The following TENM2 variants were observed in gnomAD, a reference collection of about 807,000 sequenced individuals.
TENM2 encodes teneurin-2.
A neutral mutation model predicts 245.2 loss-of-function variants in TENM2; 52 were observed. That is an observed-to-expected ratio of 0.21 (90% confidence interval 0.17 to 0.27). The LOEUF is 0.27. TENM2 is among the 10% of genes least tolerant of loss of function. The pLI, the probability that TENM2 is intolerant of heterozygous loss-of-function variation, is 1.00. For synonymous variants in TENM2, 1,363 were observed against 1,438.9 expected (o/e 0.95, Z 1.19); for missense variants, 3,046 against 3,666.8 (o/e 0.83, Z 4.37).
chr5:167,591,424 C>T (rs1775868626), intron 2 of TENM2, among the ~76,000 whole-genome samples: 1 of 152,192 alleles, frequency 6.6e-6, no homozygotes, highest in Non-Finnish European at 1.5e-5. Context: ...AACCTAGGAA[C>T]TTACATTGAA....
chr5:167,009,015 T>A, the TENM2 span, among the ~76,000 whole-genome samples: 1 of 152,038 alleles, frequency 6.6e-6, no homozygotes, highest in Non-Finnish European at 1.5e-5. Flanking sequence ...TGTCCAAGTG[T>A]GTGGTTGTCA....
At chr5:167,014,365 G>A in the TENM2 span, among the ~76,000 whole-genome samples, 3 of 152,078 alleles carry the variant, frequency 2.0e-5, no homozygotes, top group African/African-American at 7.2e-5. Context: ...ACAAAAGCAA[G>A]TACACGTTAA....
At chr5:167,839,033 A>C (rs1183967577) in intron 2 of TENM2, among the ~76,000 whole-genome samples, 1 of 152,226 alleles carries the variant, frequency 6.6e-6, no homozygotes, top group Admixed American at 6.5e-5. Context: ...TGAGAATCAA[A>C]TGAAATGACA....
chr5:167,204,606 C>A, the TENM2 span, among the ~76,000 whole-genome samples: 1 of 152,198 alleles, frequency 6.6e-6, no homozygotes, highest in African/African-American at 2.4e-5. Flanking sequence ...GCACCATATG[C>A]TTCAGTGGTC....
Position 167,978,279 on chromosome 5 carries a change from A to T in TENM2, c.948-14665A>T, listed in dbSNP as rs80180996. Among the ~76,000 whole-genome samples the T allele has an allele frequency of 1.4e-3, 206 of 152,300 alleles. 1 individual carries two copies. The highest frequency in any genetic ancestry group is 1.9e-3 in the Non-Finnish European group (127 of 68,030). The stretch of plus-strand genomic sequence containing the variant: ...ATTCCTCTCCTAGGGAGATCCCCCA[A>T]AGCTTTCAAAGCAGGTGCTCAGACA... On this transcript the variant is annotated intron_variant, in intron 4 of 28. Transcript: ENST00000518659.
intron 2 of TENM2, among the ~76,000 whole-genome samples, chr5:167,775,289 C>A (rs1381624331): frequency 2.6e-5 from 4 of 152,132 alleles, no homozygotes; most frequent in African/African-American, 9.7e-5. Flanking sequence ...TCTTACAAGA[C>A]CACCTTGAAA....
chr5:168,237,007 T>TA lies in TENM2; in HGVS notation c.5521-7413_5521-7412insA, dbSNP rs1765563971. Reference sequence around the variant, plus strand: ...ATATATATATATATATATATTTTTTTTTTTTTTTTTTTTTTTTTTTTTTTT... The same window carrying TA: ...ATATATATATATATATATATTTTTTTATTTTTTTTTTTTTTTTTTTTTTTTT... On this transcript the variant is annotated intron_variant, in intron 25 of 28. Transcript: ENST00000518659. Among the ~76,000 whole-genome samples the TA allele has an allele frequency of 6.1e-5, 2 of 32,896 alleles. 1 individual carries two copies. Among genetic ancestry groups the TA allele is most frequent in the South Asian group, 2.9e-3 (2 of 700 alleles). The allele number at this position is 32,896 out of a possible 152,430, so 21.6% of individuals were successfully genotyped here. A position where few individuals can be genotyped will look rare whatever the true frequency, so the allele number is the denominator to read the frequency against.
At chr5:167,446,715 T>A (rs1282377272) in intron 2 of TENM2, among the ~76,000 whole-genome samples, 1 of 151,314 alleles carries the variant, frequency 6.6e-6, no homozygotes, top group Non-Finnish European at 1.5e-5. Flanking sequence ...GGGGGATTTG[T>A]ACCCATGTGA....
chr5:167,432,690 A>ATAAG (rs1561950979), intron 2 of TENM2, among the ~76,000 whole-genome samples: 1 of 152,128 alleles, frequency 6.6e-6, no homozygotes, highest in East Asian at 1.9e-4. Context: ...GCTGCTTTTC[A>ATAAG]TAAGTGAAAA....
chr5:167,598,163 G>C (rs1174311998), intron 2 of TENM2, among the ~76,000 whole-genome samples: 3 of 152,198 alleles, frequency 2.0e-5, no homozygotes, highest in Non-Finnish European at 4.4e-5. Context: ...CGTACCAGGA[G>C]AGCAGATTGA....
intron 7 of TENM2, among the ~76,000 whole-genome samples, chr5:168,088,053 C>T (rs1792613822): frequency 1.3e-5 from 2 of 152,174 alleles, no homozygotes; most frequent in African/African-American, 4.8e-5. Context: ...TGAGCACTGC[C>T]ACTAGTCCTA....
intron 2 of TENM2, among the ~76,000 whole-genome samples, chr5:167,697,688 C>T (rs1463917008): frequency 6.6e-6 from 1 of 152,098 alleles, no homozygotes; most frequent in Non-Finnish European, 1.5e-5. Context: ...CCATGTCCAG[C>T]TAATTTTTGT....
intron 2 of TENM2, among the ~76,000 whole-genome samples, chr5:167,385,854 ATATGTGTG>A (rs1276134314): frequency 1.2e-3 from 160 of 130,188 alleles, no homozygotes; most frequent in African/African-American, 4.2e-3. Context: ...CATTATATAT[ATATGTGTG>A]TGTGTGTGTG....
chr5:167,360,031 T>C (rs1759607231), intron 1 of TENM2, among the ~76,000 whole-genome samples: 1 of 150,490 alleles, frequency 6.6e-6, no homozygotes, highest in South Asian at 2.1e-4. Flanking sequence ...GGGTGGAGAG[T>C]GGGAGGAGCG....
exon 3 of TENM2, chr5:167,876,020 C>T (rs1367439964): frequency 6.4e-7 from 1 of 1,551,540 alleles, no homozygotes; most frequent in African/African-American, 1.4e-5. Flanking sequence ...CGCCTAGTCT[C>T]CTCCCATCTG....
chr5:167,585,811 G>A (rs2127694136), intron 2 of TENM2, among the ~76,000 whole-genome samples: 1 of 152,182 alleles, frequency 6.6e-6, no homozygotes, highest in South Asian at 2.1e-4. Context: ...ACCATAGATT[G>A]ACAATACTGA....
chr5:167,293,941 CTAAA>C (rs1229169501), intron 1 of TENM2, among the ~76,000 whole-genome samples: 1 of 150,404 alleles, frequency 6.6e-6, no homozygotes, highest in Non-Finnish European at 1.5e-5. Flanking sequence ...CTATCATGGA[CTAAA>C]TAAATCAGAG....
intron 3 of TENM2, among the ~76,000 whole-genome samples, chr5:167,926,117 AG>A (rs1434825938): frequency 1.3e-5 from 2 of 152,206 alleles, no homozygotes; most frequent in Non-Finnish European, 2.9e-5. Context: ...GAAAGTTAAA[AG>A]AAAAATAAAA....
chr5:167,346,793 A>G (rs2127829035), intron 1 of TENM2, among the ~76,000 whole-genome samples: 1 of 151,714 alleles, frequency 6.6e-6, no homozygotes, highest in South Asian at 2.1e-4. Flanking sequence ...TTTTCTTGAG[A>G]CAGAGTCTCA....
Sources: gnomAD v4.1 joint callset for allele counts (sites outside exome capture counted in the v4.1 genomes callset) on GRCh38, gnomAD v4.1.1 for gene constraint, MANE v1.5 for transcripts, NCBI Gene and HGNC (gene_info 2026-07-23, HGNC 2026-07-21) for gene names.